DOCK7: variants seen among roughly 807,000 people sequenced by gnomAD.
DOCK7 encodes the protein dedicator of cytokinesis 7, also known as dedicator of cytokinesis protein 7.
DOCK7 carries 138 observed loss-of-function variants against 271.0 expected under a neutral mutation model. The observed-to-expected ratio is 0.51, with a 90% CI of 0.44 to 0.59. The LOEUF is 0.59. DOCK7 is among the 20% of genes least tolerant of loss of function. The probability of loss-of-function intolerance (pLI) is 0.00; values close to 1 mark genes in which losing one functional copy is unlikely to be tolerated. For synonymous variants in DOCK7, 823 were observed against 876.1 expected (o/e 0.94, Z 1.07); for missense variants, 2,066 against 2,592.4 (o/e 0.80, Z 4.41).
intron 22 of DOCK7, among the ~76,000 whole-genome samples, chr1:62,548,041 T>C (rs764173294): frequency 5.9e-5 from 9 of 152,114 alleles, no homozygotes; most frequent in Non-Finnish European, 1.0e-4. Flanking sequence ...CATTTCTTCA[T>C]TGGATAAATA....
intron 48 of DOCK7, among the ~76,000 whole-genome samples, chr1:62,463,509 G>A (rs966220341): frequency 3.3e-5 from 5 of 151,920 alleles, no homozygotes; most frequent in Admixed American, 1.3e-4. Flanking sequence ...TAAGGTAGAC[G>A]GATATTTGAG....
intron 15 of DOCK7, chr1:62,584,836 G>A (rs1468879057): frequency 1.4e-6 from 1 of 723,040 alleles, no homozygotes; most frequent in African/African-American, 1.7e-5. Flanking sequence ...CACCAAAGAG[G>A]GAGAGGTCTA....
chr1:62,529,539 A>C, intron 29 of DOCK7, 93 bp from the exon 30 acceptor site: 2 of 992,500 alleles, frequency 2.0e-6, no homozygotes, highest in Non-Finnish European at 2.7e-6. Context: ...ATGGTATTGA[A>C]TAAATTTTGT....
chr1:62,547,593 G>C (rs1645753534), intron 22 of DOCK7, among the ~76,000 whole-genome samples: 2 of 152,214 alleles, frequency 1.3e-5, no homozygotes, highest in African/African-American at 4.8e-5. Flanking sequence ...AGCTCTCAGT[G>C]TTTGAGAAAT....
At chr1:62,570,763 C>T (rs1646745220) in intron 18 of DOCK7, among the ~76,000 whole-genome samples, 1 of 152,136 alleles carries the variant, frequency 6.6e-6, no homozygotes, top group South Asian at 2.1e-4. Flanking sequence ...ACACCTACAA[C>T]CATCTGATCT....
rs751759402 is a variant in DOCK7, at chr1:62,597,952, A to G, written c.1683-11328T>C. The G allele has an allele frequency of 4.5e-6, 7 of 1,554,642 alleles. No homozygotes were observed. Among genetic ancestry groups the G allele is most frequent in the Non-Finnish European group, 5.2e-6 (6 of 1,159,210 alleles). On this transcript the variant is annotated intron_variant, in intron 14 of 49. Transcript: ENST00000635253. ...AACTCAAAACTTGAAAGCCTCCTAG[A>G]AGAAAAAATTCTACTTCAACAAAAA...
intron 46 of DOCK7, 141 bp downstream of exon 46, chr1:62,475,566 A>T: frequency 9.3e-7 from 1 of 1,080,720 alleles, no homozygotes; most frequent in Non-Finnish European, 1.3e-6. Flanking sequence ...AGAAGTAAAA[A>T]ATTGAGGACT....
chr1:62,639,474 G>A (rs994419022), intron 7 of DOCK7, among the ~76,000 whole-genome samples: 19 of 116,072 alleles, frequency 1.6e-4, no homozygotes, highest in Middle Eastern at 7.9e-3. Flanking sequence ...TCGCTCTGTC[G>A]CCCAGGCTGG....
chr1:62,673,616 T>C (rs1660240042), intron 1 of DOCK7, among the ~76,000 whole-genome samples: 1 of 152,140 alleles, frequency 6.6e-6, no homozygotes, highest in African/African-American at 2.4e-5. Flanking sequence ...TATCTTAAAT[T>C]CCACCCTACT....
chr1:62,526,072 G>A (rs1644997907), intron 31 of DOCK7, among the ~76,000 whole-genome samples: 1 of 152,004 alleles, frequency 6.6e-6, no homozygotes, highest in African/African-American at 2.4e-5. Context: ...AGGTAGCTGG[G>A]ACTACAGTAG....
intron 29 of DOCK7, among the ~76,000 whole-genome samples, chr1:62,534,428 A>G (rs1176041719): frequency 6.6e-6 from 1 of 152,134 alleles, no homozygotes; most frequent in Non-Finnish European, 1.5e-5. Flanking sequence ...CAGCCTGGCC[A>G]ACATGGCAAA....
At chr1:62,681,610 C>G (rs1318285050) in intron 1 of DOCK7, among the ~76,000 whole-genome samples, 1 of 150,622 alleles carries the variant, frequency 6.6e-6, no homozygotes, top group Non-Finnish European at 1.5e-5. Flanking sequence ...GCAAGGGTGG[C>G]TATACCCTAG....
intron 25 of DOCK7, among the ~76,000 whole-genome samples, chr1:62,540,231 T>C (rs1645485627): frequency 6.6e-6 from 1 of 151,736 alleles, no homozygotes; most frequent in Non-Finnish European, 1.5e-5. Flanking sequence ...TGGAGTACAG[T>C]GGCATGATCA....
In DOCK7 at chr1:62,688,385, C is replaced by A; in HGVS notation, c.-121G>T. On this transcript the variant is annotated 5_prime_UTR_variant, in exon 1 of 50. It adds an upstream start codon to the 5' untranslated region. Coordinates refer to ENST00000635253, the MANE Select transcript of DOCK7 (RefSeq NM_001367561.1). ...GCCTCCGCCAGTCCGGGCTCCGGAC[C>A]TGGGAGGCTGGGGCTGGCGGCCGGA... 1.9e-6 allele frequency: 1 copy of A among 535,150 alleles called. No individual in the cohort carries two copies. Among genetic ancestry groups the A allele is most frequent in the Non-Finnish European group, 2.7e-6 (1 of 376,098 alleles). 33.2% of individuals were successfully genotyped at this position (535,150 alleles called of 1,614,324 possible). A position where few individuals can be genotyped will look rare whatever the true frequency, so the allele number is the denominator to read the frequency against.
At chr1:62,594,668 G>C (rs543496313) in intron 14 of DOCK7, among the ~76,000 whole-genome samples, 2 of 152,072 alleles carry the variant, frequency 1.3e-5, no homozygotes, top group Admixed American at 6.6e-5. Context: ...TCTGCACTTA[G>C]AAATCCCTAT....
At chr1:62,463,148 AGACTT>A (rs1645579006) in intron 48 of DOCK7, among the ~76,000 whole-genome samples, 1 of 152,188 alleles carries the variant, frequency 6.6e-6, no homozygotes, top group South Asian at 2.1e-4. Flanking sequence ...AAATGATAAA[AGACTT>A]GAATATGTAA....
chr1:62,596,444 AT>A (rs2149522209), intron 14 of DOCK7, among the ~76,000 whole-genome samples: 1 of 152,320 alleles, frequency 6.6e-6, no homozygotes, highest in Admixed American at 6.5e-5. Context: ...ATAATCACTA[AT>A]ATAAGCATTT....
intron 29 of DOCK7, among the ~76,000 whole-genome samples, chr1:62,533,043 G>A (rs1249519393): frequency 6.6e-6 from 1 of 152,182 alleles, no homozygotes; most frequent in Non-Finnish European, 1.5e-5. Flanking sequence ...TGGTATCACT[G>A]AGCTGATGAT....
chr1:62,581,543 C>T (rs1305833458), intron 16 of DOCK7, among the ~76,000 whole-genome samples: 1 of 152,058 alleles, frequency 6.6e-6, no homozygotes, highest in East Asian at 1.9e-4. Context: ...AAATATATAT[C>T]TGTACTTCAG....
Sources: allele counts gnomAD v4.1 joint callset (sites outside exome capture counted in the v4.1 genomes callset), GRCh38; gene constraint gnomAD v4.1.1; transcripts MANE v1.5; gene names NCBI Gene and HGNC (gene_info 2026-07-23, HGNC 2026-07-21).